PREPL: variants seen among roughly 807,000 people sequenced by gnomAD.
PREPL encodes prolyl endopeptidase-like.
PREPL carries 77 observed loss-of-function variants against 70.6 expected under a neutral mutation model. The observed-to-expected ratio is 1.09, with a 90% confidence interval of 0.91 to 1.32. The LOEUF (loss-of-function observed/expected upper bound fraction) is 1.32, where lower values mean the gene tolerates loss of function less well. Among genes scored for constraint, PREPL ranks in the 40% most tolerant of loss-of-function variants. The probability of loss-of-function intolerance (pLI) is 0.00; values close to 1 mark genes in which losing one functional copy is unlikely to be tolerated. For missense variants in PREPL, 1,002 were observed against 778.2 expected (o/e 1.29, Z -3.42); for synonymous variants, 315 against 264.8 (o/e 1.19, Z -1.84).
intron 1 of PREPL, chr2:44,360,356 G>A (rs531285076): frequency 2.0e-5 from 3 of 152,354 alleles, no homozygotes; most frequent in Admixed American, 2.0e-4. Flanking sequence ...TTGCCAAACT[G>A]TGGCTGTGGG....
chr2:44,337,279 T>C (rs1244396724), intron 7 of PREPL, among the ~76,000 whole-genome samples: 1 of 152,208 alleles, frequency 6.6e-6, no homozygotes, highest in African/African-American at 2.4e-5. Context: ...CAACCAACTT[T>C]ACCAAAAGCT....
chr2:44,331,528 A>G (rs1674090403), intron 8 of PREPL, among the ~76,000 whole-genome samples: 1 of 152,092 alleles, frequency 6.6e-6, no homozygotes, highest in African/African-American at 2.4e-5. Flanking sequence ...CTTGAATTGT[A>G]TAATTTCTCC....
chr2:44,321,459 AT>A lies in PREPL; in HGVS notation c.1828-15del, dbSNP rs1220298394. On this transcript the variant is annotated splice_polypyrimidine_tract_variant and intron_variant, in intron 13 of 13. Coordinates refer to ENST00000409411, the MANE Select transcript of PREPL (RefSeq NM_001171613.2). ...TTGGGCTGTAATCTAAAAGAAACAC[AT>A]TAAAAAAATTAAATAGAAGGCCTTT... 6.2e-7 allele frequency: 1 copy of A among 1,605,126 alleles called. No homozygotes were observed. Among genetic ancestry groups the A allele is most frequent in the African/African-American group, 1.3e-5 (1 of 74,740 alleles).
chr2:44,326,323 T>C (rs2103741409), intron 10 of PREPL, among the ~76,000 whole-genome samples: 1 of 152,244 alleles, frequency 6.6e-6, no homozygotes, highest in Non-Finnish European at 1.5e-5. Flanking sequence ...AGTTTAAAAC[T>C]TAAAAGCTTT....
chr2:44,350,052 T>C (rs62135192), intron 1 of PREPL, among the ~76,000 whole-genome samples: 1 of 152,070 alleles, frequency 6.6e-6, no homozygotes, highest in African/African-American at 2.4e-5. Context: ...ACGTCAACTA[T>C]TTAAAAAAAT....
At chr2:44,347,238 G>A (rs1364122363) in intron 1 of PREPL, 3 of 152,152 alleles carry the variant, frequency 2.0e-5, no homozygotes, top group African/African-American at 7.2e-5. Flanking sequence ...GGGAAGCTGA[G>A]GTGGGAGGGA....
rs751948662 is a variant in PREPL at position 44,320,918 on chromosome 2, C to T, written c.*438G>A. ...ACCCCAGATTATTCAAAAACTTTAA[C>T]GAATTTTAAGGGGAAGAATTTTATC... On this transcript the variant is annotated 3_prime_UTR_variant, in exon 14 of 14. Coordinates refer to ENST00000409411, the MANE Select transcript of PREPL (RefSeq NM_001171613.2). 47 of 443,082 alleles carry T rather than the reference C, an allele frequency of 1.1e-4. No individual in the cohort carries two copies. Among genetic ancestry groups the T allele is most frequent in the Non-Finnish European group, 1.8e-4 (44 of 245,658 alleles). 27.4% of individuals were successfully genotyped at this position (443,082 alleles called of 1,614,324 possible).
At chr2:44,334,073 T>C (rs1212499142) in intron 7 of PREPL, among the ~76,000 whole-genome samples, 2 of 152,202 alleles carry the variant, frequency 1.3e-5, no homozygotes, top group Non-Finnish European at 2.9e-5. Flanking sequence ...TTAATCATAA[T>C]AAAAACTGTT....
Position 44,344,602 on chromosome 2 carries a change from T to C in PREPL, c.76-16A>G. The C allele has an allele frequency of 4.5e-6, 7 of 1,563,186 alleles. No homozygotes were observed. The highest frequency in any genetic ancestry group is 6.1e-6 in the Non-Finnish European group (7 of 1,148,116). On this transcript the variant is annotated splice_polypyrimidine_tract_variant and intron_variant, in intron 2 of 13. Coordinates refer to ENST00000409411, the MANE Select transcript of PREPL (RefSeq NM_001171613.2). ...CATGTTTAACCTGACAAAAGAAACA[T>C]GCAGTTTACTTAATAATAATTTAAT... is the stretch of plus-strand genomic sequence containing the variant.
chr2:44,333,668 C>A (rs566714449), intron 7 of PREPL, among the ~76,000 whole-genome samples: 2 of 151,858 alleles, frequency 1.3e-5, no homozygotes, highest in Non-Finnish European at 2.9e-5. Flanking sequence ...AGTAAGGACA[C>A]ACATCTGCAA....
chr2:44,323,289 G>T lies in PREPL; in HGVS notation c.1602C>A (p.Tyr534Ter). 1.9e-6 allele frequency: 3 copies of T among 1,606,638 alleles called. No individual in the cohort carries two copies. The change falls in exon 11 of 14, where the codon TAC becomes TAA. Residue 534 changes from tyrosine (Y) to a stop codon, truncating the protein, a stop_gained. Coordinates refer to ENST00000409411, the MANE Select transcript of PREPL (RefSeq NM_001171613.2). LOFTEE classifies it high-confidence loss of function. Reference protein sequence around the residue: ...DEKHKNYIKRYCPYQNIKPQH... With the variant: ...DEKHKNYIKR ...GAGGTTTAATATTTTGATAGGGACA[G>T]TAACGTTTTATGTAGTTCTTGTGTT...
rs1558495343 is a variant in PREPL at position 44,332,427 on chromosome 2, T to TTA, written c.1086+31_1086+32insTA. 10 of 1,550,168 alleles carry TTA rather than the reference T, an allele frequency of 6.5e-6. No homozygotes were observed. In the South Asian group the frequency reaches 1.1e-4, roughly 17 times the overall value. ...TGGCAAACGGTATGCTTTCAGTAAATGGGAGCTGAAAGTGAAGATTATAAG... is the reference window on the plus strand; with the variant it reads ...TGGCAAACGGTATGCTTTCAGTAAATTAGGGAGCTGAAAGTGAAGATTATAAG... On this transcript the variant is annotated intron_variant, in intron 8 of 13. Coordinates refer to ENST00000409411, the MANE Select transcript of PREPL (RefSeq NM_001171613.2).
chr2:44,340,254 T>G (rs1446803963), intron 5 of PREPL, among the ~76,000 whole-genome samples: 2 of 152,066 alleles, frequency 1.3e-5, no homozygotes, highest in East Asian at 3.8e-4. Flanking sequence ...GAAGATATTT[T>G]CCCCTTCCAT....
chr2:44,350,392 C>T (rs929422984), intron 1 of PREPL, among the ~76,000 whole-genome samples: 1 of 152,010 alleles, frequency 6.6e-6, no homozygotes, highest in African/African-American at 2.4e-5. Context: ...AATAATCACA[C>T]TTTAAAAAAA....
At chr2:44,338,634 A>G (rs1157381828) in intron 6 of PREPL, 98 bp from the exon 7 acceptor site, 6 of 993,098 alleles carry the variant, frequency 6.0e-6, no homozygotes, top group South Asian at 1.6e-5. Flanking sequence ...ACTAGTCCTC[A>G]CTGTTTTATG....
At chr2:44,359,532 C>G in intron 1 of PREPL, 1 of 1,613,276 alleles carries the variant, frequency 6.2e-7, no homozygotes, top group Non-Finnish European at 8.5e-7. Flanking sequence ...ATGTTTCTTG[C>G]TAACTCTGAT....
chr2:44,331,614 T>C (rs1674100312), intron 8 of PREPL, among the ~76,000 whole-genome samples: 1 of 152,178 alleles, frequency 6.6e-6, no homozygotes, highest in Admixed American at 6.5e-5. Context: ...CTAGTGGTCT[T>C]ACCTGAGACA....
chr2:44,337,294 T>C (rs1014505810), intron 7 of PREPL, among the ~76,000 whole-genome samples: 7 of 152,208 alleles, frequency 4.6e-5, no homozygotes, highest in Admixed American at 4.6e-4. Context: ...AAAGCTTTCC[T>C]GGGCCTTCTT....
In PREPL at chr2:44,320,817, A is replaced by G. The variant is rs913420984; in HGVS notation, c.*539T>C. 3.1e-6 allele frequency: 2 copies of G among 638,002 alleles called. No individual in the cohort carries two copies. Among genetic ancestry groups the G allele is most frequent in the Non-Finnish European group, 5.5e-6 (2 of 364,548 alleles). The allele number at this position is 638,002 out of a possible 1,614,324, so 39.5% of individuals were successfully genotyped here. ...TGTTTTGAAAAAAATAAAATGTTTA[A>G]AAGTAAATTATGGCTTATAGGAGCT... On this transcript the variant is annotated 3_prime_UTR_variant, in exon 14 of 14. Coordinates refer to ENST00000409411, the MANE Select transcript of PREPL (RefSeq NM_001171613.2).
Sources: gnomAD v4.1 joint callset for allele counts (sites outside exome capture counted in the v4.1 genomes callset) on GRCh38, gnomAD v4.1.1 for gene constraint, MANE v1.5 for transcripts, NCBI Gene and HGNC (gene_info 2026-07-23, HGNC 2026-07-21) for gene names.